TRAK1: variants seen among roughly 807,000 people sequenced by gnomAD.
TRAK1 encodes the protein trafficking kinesin-binding protein 1.
Under a neutral mutation model 92.1 loss-of-function variants are expected in TRAK1, and 33 were observed. The observed-to-expected ratio is 0.36, with a 90% CI of 0.27 to 0.48. The LOEUF (loss-of-function observed/expected upper bound fraction) is 0.48. Ranked by LOEUF, TRAK1 falls within the 20% of genes least tolerant of loss-of-function variation. TRAK1 has a pLI of 0.99. For missense variants in TRAK1, 1,123 were observed against 1,257.9 expected (o/e 0.89, Z 1.62); for synonymous variants, 521 against 517.3 (o/e 1.01, Z -0.10).
At chr3:42,191,700 C>T (rs141731183) in intron 7 of TRAK1, 64 bp downstream of exon 7, 101 of 1,525,738 alleles carry the variant, frequency 6.6e-5, no homozygotes, top group Middle Eastern at 3.4e-4. Context: ...GACAGATTTG[C>T]GTCAGCCTTG....
At chr3:42,067,782 T>G (rs966350717) in intron 1 of TRAK1, among the ~76,000 whole-genome samples, 5 of 142,266 alleles carry the variant, frequency 3.5e-5, no homozygotes, top group African/African-American at 1.3e-4. Flanking sequence ...ATTGATATGT[T>G]TGTAATTGGC....
At chr3:42,111,686 C>T (rs540140438) in intron 1 of TRAK1, among the ~76,000 whole-genome samples, 13 of 152,232 alleles carry the variant, frequency 8.5e-5, no homozygotes, top group Admixed American at 4.6e-4. Flanking sequence ...TGAGCCACTG[C>T]GCCCAGCCCT....
intron 6 of TRAK1, among the ~76,000 whole-genome samples, chr3:42,189,558 A>C (rs1705375827): frequency 6.6e-6 from 1 of 151,780 alleles, no homozygotes; most frequent in East Asian, 1.9e-4. Context: ...TTTGAGATGG[A>C]GTCTCGCTAT....
intron 2 of TRAK1, chr3:42,151,220 C>G: frequency 2.6e-6 from 1 of 381,812 alleles, no homozygotes; most frequent in South Asian, 2.0e-5. Flanking sequence ...AATGCCACAC[C>G]ATCCAGTTCC....
intron 10 of TRAK1, among the ~76,000 whole-genome samples, chr3:42,198,229 G>C (rs1036736372): frequency 6.6e-6 from 1 of 152,174 alleles, no homozygotes; most frequent in African/African-American, 2.4e-5. Context: ...GTGATGGGTG[G>C]TACAGGAGAG....
At chr3:42,128,981 CT>C (rs927435406) in intron 2 of TRAK1, among the ~76,000 whole-genome samples, 63 of 152,238 alleles carry the variant, frequency 4.1e-4, no homozygotes, top group African/African-American at 1.5e-3. Context: ...ATATCACAGC[CT>C]TTTTTTGTCG....
upstream of TRAK1, among the ~76,000 whole-genome samples, chr3:42,083,136 G>C (rs891928161): frequency 6.6e-6 from 1 of 152,102 alleles, no homozygotes; most frequent in Non-Finnish European, 1.5e-5. Flanking sequence ...AAGACTATAA[G>C]TTTCCTAAAT....
upstream of TRAK1, among the ~76,000 whole-genome samples, chr3:42,089,681 C>CG (rs907166218): frequency 1.3e-5 from 2 of 150,408 alleles, no homozygotes; most frequent in African/African-American, 4.9e-5. Flanking sequence ...TGTGACCCCC[C>CG]CCCAATACAG....
At chr3:42,087,898 A>G (rs930749651), upstream of TRAK1, among the ~76,000 whole-genome samples, 1 of 152,260 alleles carries the variant, frequency 6.6e-6, no homozygotes, top group African/African-American at 2.4e-5. Context: ...TGTGTCAGTC[A>G]TAACTCTCAG....
chr3:42,200,440 A>G (rs146288115), intron 11 of TRAK1, among the ~76,000 whole-genome samples: 1 of 152,350 alleles, frequency 6.6e-6, no homozygotes, highest in East Asian at 1.9e-4. Context: ...AGCAGTAAAC[A>G]CTGCCCTGCT....
At chr3:42,134,092 A>G (rs574087246) in intron 2 of TRAK1, among the ~76,000 whole-genome samples, 10 of 152,190 alleles carry the variant, frequency 6.6e-5, no homozygotes, top group Middle Eastern at 3.4e-3. Context: ...CCAGATGCCT[A>G]GGCACATGAG....
intron 1 of TRAK1, chr3:42,051,478 G>A (rs1185556411): frequency 6.6e-6 from 1 of 152,296 alleles, no homozygotes; most frequent in Non-Finnish European, 1.5e-5. Flanking sequence ...CCAACCCAGT[G>A]GATCCATGCC....
intron 13 of TRAK1, chr3:42,203,549 C>G: frequency 1.0e-6 from 1 of 978,694 alleles, no homozygotes; most frequent in Non-Finnish European, 1.2e-6. Context: ...TTCCCTCTAC[C>G]TGCTGCTACT....
chr3:42,075,967 CGAGT>C (rs1470276997), intron 1 of TRAK1, among the ~76,000 whole-genome samples: 1 of 151,956 alleles, frequency 6.6e-6, no homozygotes, highest in African/African-American at 2.4e-5. Context: ...CTCAGCCTCC[CGAGT>C]ATCTGGGATT....
chr3:42,188,524 C>A (rs1332190119), intron 5 of TRAK1, among the ~76,000 whole-genome samples: 1 of 152,162 alleles, frequency 6.6e-6, no homozygotes, highest in Non-Finnish European at 1.5e-5. Flanking sequence ...GTCAGCAGAT[C>A]CTCATGTTGG....
At chr3:42,209,637 C>T (rs1353456439) in intron 13 of TRAK1, 130 bp from the exon 14 acceptor site, 1 of 887,964 alleles carries the variant, frequency 1.1e-6, no homozygotes, top group Non-Finnish European at 1.7e-6. Flanking sequence ...CTGCAGTCCA[C>T]CTGGAGGCCC....
chr3:42,145,967 G>C (rs1364244569), intron 2 of TRAK1: 1 of 287,222 alleles, frequency 3.5e-6, no homozygotes, highest in African/African-American at 2.3e-5. Flanking sequence ...TATGTGTTTG[G>C]GGAAGATAAT....
At position 42,192,439 on chromosome 3, in the gene TRAK1, C is replaced by G. The variant is rs1345583002; in HGVS notation, c.770-636C>G. On this transcript the variant is annotated intron_variant, in intron 7 of 15. Transcript: ENST00000327628. ...AAGTACTAAGTATTTTGCATTTCGT[C>G]AAAGTACTAAGTATTTTGCATTTCG... 2.0e-5 allele frequency among the ~76,000 whole-genome samples: 3 copies of G among 152,180 alleles called. No homozygotes were observed. In the East Asian group the frequency reaches 5.8e-4, roughly 29 times the overall value.
chr3:42,106,752 A>G (rs1038023156), intron 1 of TRAK1, among the ~76,000 whole-genome samples: 2 of 152,174 alleles, frequency 1.3e-5, no homozygotes, highest in African/African-American at 4.8e-5. Context: ...GTCAGGGTAT[A>G]TTTGTTTTTC....
Sources: allele counts gnomAD v4.1 joint callset (sites outside exome capture counted in the v4.1 genomes callset), GRCh38; gene constraint gnomAD v4.1.1; transcripts MANE v1.5; gene names NCBI Gene and HGNC (gene_info 2026-07-23, HGNC 2026-07-21).